Variants in RBM47 observed in about 807,000 individuals in gnomAD.
RBM47 encodes RNA-binding protein 47.
RBM47 carries 21 observed loss-of-function variants against 47.1 expected under a neutral mutation model. That is an observed-to-expected ratio of 0.45 (90% CI 0.32 to 0.64). The LOEUF (loss-of-function observed/expected upper bound fraction) is 0.64, where lower values mean the gene tolerates loss of function less well. Ranked by LOEUF, RBM47 falls within the 30% of genes least tolerant of loss-of-function variation. RBM47 has a pLI of 0.05. For missense variants in RBM47, 708 were observed against 870.9 expected, an observed-to-expected ratio of 0.81 and a Z score of 2.35; for synonymous variants, 375 against 361.7, an observed-to-expected ratio of 1.04 and a Z score of -0.42.
At position 40,436,558 on chromosome 4, in the gene RBM47, G is replaced by C. The variant is rs1208061068; in HGVS notation, c.1213C>G (p.Arg405Gly). The change falls in exon 5 of 7, where the codon CGT (arginine) becomes GGT (glycine). Residue 405 changes from arginine to glycine, a missense_variant. Coordinates refer to ENST00000295971, the MANE Select transcript of RBM47 (RefSeq NM_001098634.2). Reference protein sequence around the residue: ...GSYLGGYSAGRGIYSRYHEGK... With the variant: ...GSYLGGYSAGGGIYSRYHEGK... ...TCATGATATCGGCTATATATACCAC[G>C]ACCAGCAGAATATCCCCCGAGGTAG... is the stretch of plus-strand genomic sequence containing the variant. The C allele has an allele frequency of 4.3e-6, 7 of 1,614,062 alleles. No individual in the cohort carries two copies. Among genetic ancestry groups the C allele is most frequent in the Non-Finnish European group, 5.9e-6 (7 of 1,180,002 alleles).
chr4:40,552,303 CAGA>C (rs1729637890), intron 1 of RBM47, among the ~76,000 whole-genome samples: 1 of 152,082 alleles, frequency 6.6e-6, no homozygotes, highest in East Asian at 1.9e-4. Context: ...GAGGCTGAAG[CAGA>C]AGAATTGCTT....
At chr4:40,451,323 G>A (rs1359338279) in intron 3 of RBM47, among the ~76,000 whole-genome samples, 1 of 151,570 alleles carries the variant, frequency 6.6e-6, no homozygotes, top group Non-Finnish European at 1.5e-5. Flanking sequence ...TTAATTTTCA[G>A]ACAAAACAAC....
chr4:40,597,374 T>C (rs1236752891), intron 1 of RBM47, among the ~76,000 whole-genome samples: 2 of 152,092 alleles, frequency 1.3e-5, no homozygotes, highest in East Asian at 3.8e-4. Flanking sequence ...GGGGAGCGGA[T>C]CACTTGAGAT....
intron 2 of RBM47, among the ~76,000 whole-genome samples, chr4:40,478,110 G>A (rs1198481719): frequency 6.7e-6 from 1 of 148,460 alleles, no homozygotes; most frequent in Admixed American, 6.9e-5. Context: ...CCGCCTCCTG[G>A]GTTCAAGCGA....
At chr4:40,575,498 G>A (rs12507295) in intron 1 of RBM47, among the ~76,000 whole-genome samples, 4 of 141,602 alleles carry the variant, frequency 2.8e-5, no homozygotes, top group East Asian at 4.3e-4. Context: ...GTTGCGGTGA[G>A]TCGAGATCGT....
chr4:40,487,413 C>G (rs957016595), intron 2 of RBM47, among the ~76,000 whole-genome samples: 1 of 152,152 alleles, frequency 6.6e-6, no homozygotes, highest in African/African-American at 2.4e-5. Context: ...TTCCTGCCTC[C>G]TGAGTAGCTG....
intron 2 of RBM47, among the ~76,000 whole-genome samples, chr4:40,467,315 AGTTTTGCTCT>A (rs1718198368): frequency 6.7e-6 from 1 of 149,484 alleles, no homozygotes; most frequent in Non-Finnish European, 1.5e-5. Flanking sequence ...TTTGAGATGG[AGTTTTGCTCT>A]GTCGCCCAGG....
intron 3 of RBM47, among the ~76,000 whole-genome samples, chr4:40,440,176 G>A (rs1483707380): frequency 6.6e-6 from 1 of 152,114 alleles, no homozygotes. Context: ...GACTATAAAA[G>A]TATTCAGTTA....
chr4:40,485,978 G>A (rs1721020482), intron 2 of RBM47, among the ~76,000 whole-genome samples: 1 of 149,932 alleles, frequency 6.7e-6, no homozygotes. Context: ...GTGTGAGGTG[G>A]GAGAACTGCT....
chr4:40,622,679 C>T lies in RBM47; in HGVS notation c.-240+6717G>A, dbSNP rs190669821. On this transcript the variant is annotated intron_variant, in intron 1 of 6. Transcript: ENST00000295971. The stretch of plus-strand genomic sequence containing the variant: ...GGCAGCTCGCTTGAGGCCAGGAGTT[C>T]GAGACCAGCCTGGCCAACATGGTGA... Among the ~76,000 whole-genome samples, 850 of 152,186 alleles carry T rather than the reference C, an allele frequency of 5.6e-3. 5 individuals are homozygous for T. The highest frequency in any genetic ancestry group is 0.024 in the Middle Eastern group (7 of 292).
At chr4:40,474,117 C>A (rs1719287855) in intron 2 of RBM47, among the ~76,000 whole-genome samples, 1 of 152,174 alleles carries the variant, frequency 6.6e-6, no homozygotes, top group Non-Finnish European at 1.5e-5. Flanking sequence ...AACTGCCCAG[C>A]CTGGCCTCTG....
intron 1 of RBM47, among the ~76,000 whole-genome samples, chr4:40,603,678 C>A (rs1200320450): frequency 6.6e-6 from 1 of 152,074 alleles, no homozygotes. Context: ...CCTTGGCTCA[C>A]TGCAGCCTCG....
intron 6 of RBM47, among the ~76,000 whole-genome samples, chr4:40,430,588 G>T (rs765988972): frequency 6.6e-6 from 1 of 152,202 alleles, no homozygotes; most frequent in Admixed American, 6.5e-5. Context: ...AGATAAATAA[G>T]CTTCAATTAG....
intron 3 of RBM47, among the ~76,000 whole-genome samples, chr4:40,444,954 C>T (rs901037216): frequency 6.6e-6 from 1 of 151,584 alleles, no homozygotes; most frequent in Non-Finnish European, 1.5e-5. Flanking sequence ...CCACTGTGCC[C>T]GGCCTTAAAT....
At position 40,629,441 on chromosome 4, in the gene RBM47, C is replaced by G. The variant is rs1331335654; in HGVS notation, c.-285G>C. ...GAGCCGCCCACTTCAGAAATTAACACCATTCACAGCCCAGGAGCAACTTAA... is the reference window on the plus strand; with the variant it reads ...GAGCCGCCCACTTCAGAAATTAACAGCATTCACAGCCCAGGAGCAACTTAA... On this transcript the variant is annotated 5_prime_UTR_variant, in exon 1 of 7. Coordinates refer to ENST00000295971, the MANE Select transcript of RBM47 (RefSeq NM_001098634.2). The G allele has an allele frequency of 6.6e-6, 1 of 152,206 alleles. No individual in the cohort carries two copies. The highest frequency in any genetic ancestry group is 1.5e-5 in the Non-Finnish European group (1 of 68,030). 9.4% of individuals were successfully genotyped at this position (152,206 alleles called of 1,614,324 possible).
At chr4:40,540,757 GTTTT>G in intron 2 of RBM47, among the ~76,000 whole-genome samples, 1 of 147,622 alleles carries the variant, frequency 6.8e-6, no homozygotes, top group East Asian at 1.9e-4. Flanking sequence ...CTTCAGTTGG[GTTTT>G]TTAATTTATA....
chr4:40,498,052 TTTTATATATATATA>T (rs1197200827), intron 2 of RBM47, among the ~76,000 whole-genome samples: 7 of 75,210 alleles, frequency 9.3e-5, no homozygotes, highest in Non-Finnish European at 1.3e-4. Context: ...TAAGTGCTTG[TTTTATATATATATA>T]TATATATATA....
intron 2 of RBM47, among the ~76,000 whole-genome samples, chr4:40,514,106 T>C (rs190991186): frequency 6.6e-6 from 1 of 152,240 alleles, no homozygotes; most frequent in African/African-American, 2.4e-5. Flanking sequence ...AGTATTTTCA[T>C]GAAACCAGAA....
rs1560337053 is a variant in RBM47, at chr4:40,423,677, TTTC to T, written c.*2224_*2226del. 1.0e-3 allele frequency: 108 copies of T among 103,406 alleles called. 3 individuals carry two copies. The highest frequency in any genetic ancestry group is 5.1e-3 in the African/African-American group (99 of 19,470). 6.4% of individuals were successfully genotyped at this position (103,406 alleles called of 1,614,324 possible). A position where few individuals can be genotyped will look rare whatever the true frequency, so the allele number is the denominator to read the frequency against. On this transcript the variant is annotated 3_prime_UTR_variant, in exon 7 of 7. Transcript: ENST00000295971. ...TTTTCTTTCTTTCTTTCTTTCTTTC[TTTC>T]TTTCTTTCTTTCTTTCTTTCTTTCT...
Sources: gnomAD v4.1 joint callset for allele counts (sites outside exome capture counted in the v4.1 genomes callset) on GRCh38, gnomAD v4.1.1 for gene constraint, MANE v1.5 for transcripts, NCBI Gene and HGNC (gene_info 2026-07-23, HGNC 2026-07-21) for gene names.